The following UGT1A4 variants were observed in gnomAD, a reference collection of about 807,000 sequenced individuals.
UGT1A4 encodes UDP glucuronosyltransferase family 1 member A4, also known as UDP-glucuronosyltransferase 1A4.
UGT1A4 carries 32 observed loss-of-function variants against 41.1 expected under a neutral mutation model. The observed-to-expected ratio is 0.78, with a 90% CI of 0.59 to 1.05. UGT1A4 has a LOEUF of 1.05. UGT1A4 is among the 50% of genes least tolerant of loss of function. The probability of loss-of-function intolerance (pLI) is 0.00; values close to 1 mark genes in which losing one functional copy is unlikely to be tolerated. For synonymous variants in UGT1A4, 283 were observed against 265.1 expected (o/e 1.07, Z -0.66); for missense variants, 748 against 677.4 (o/e 1.10, Z -1.16).
intron 1 of UGT1A4, chr2:233,743,606 A>C (rs1409222712): frequency 7.3e-7 from 1 of 1,367,154 alleles, no homozygotes; most frequent in African/African-American, 1.5e-5. Context: ...CTGGCCGCCG[A>C]AGAACTCCCT....
At chr2:233,743,984 C>A in intron 1 of UGT1A4, 1 of 1,291,724 alleles carries the variant, frequency 7.7e-7, no homozygotes, top group South Asian at 1.3e-5. Context: ...CACCCAGGCG[C>A]AGGCCCGAGT....
rs143031439 is a variant in UGT1A4 at position 233,719,079 on chromosome 2, A to G, written c.259A>G (p.Lys87Glu). ...LTAYAVPWTQ[K>E]EFDRVTLGYT... ...AGCCTATGCTGTTCCATGGACCCAG[A>G]AGGAATTTGATCGCGTTACGCTGGG... Residue 87 changes from lysine (K) to glutamate (E), a missense_variant, in exon 1 of 5, where the codon AAG becomes GAG. Physicochemically the swap from Lys to Glu is moderately conservative, Grantham distance 56. Coordinates refer to ENST00000373409, the MANE Select transcript of UGT1A4 (RefSeq NM_007120.3). 42 of 1,614,102 alleles carry G rather than the reference A, an allele frequency of 2.6e-5. No homozygotes were observed. In the East Asian group the frequency reaches 3.3e-4, roughly 13 times the overall value.
intron 1 of UGT1A4, chr2:233,754,648 T>C (rs1008814109): frequency 4.4e-6 from 2 of 451,966 alleles, no homozygotes; most frequent in African/African-American, 2.0e-5. Context: ...CCATTCTCAA[T>C]GATTCTCTTG....
intron 1 of UGT1A4, among the ~76,000 whole-genome samples, chr2:233,741,187 CT>C (rs1691585629): frequency 6.6e-6 from 1 of 151,902 alleles, no homozygotes; most frequent in Non-Finnish European, 1.5e-5. Context: ...CTTGTGTTTG[CT>C]TTCAACTGTT....
rs45510694 is a variant in UGT1A4, at chr2:233,718,970, G to C, written c.150G>C (p.Glu50Asp). ...TCAGCATGCGGGAGGCCTTGCGGGA[G>C]CTCCATGCCAGAGGCCACCAGGCGG... ...PWLSMREALR[E>D]LHARGHQAVV... Residue 50 changes from glutamate (E) to aspartate (D), a missense_variant, in exon 1 of 5, where the codon GAG (glutamate) becomes GAC (aspartate). Physicochemically the swap from Glu to Asp is conservative, Grantham distance 45. Coordinates refer to ENST00000373409, the MANE Select transcript of UGT1A4 (RefSeq NM_007120.3). 4.6e-4 allele frequency: 737 copies of C among 1,614,150 alleles called. 2 individuals are homozygous for C. Among genetic ancestry groups the C allele is most frequent in the Middle Eastern group, 3.8e-3 (23 of 6,058 alleles).
At chr2:233,733,555 G>A (rs1474248933) in intron 1 of UGT1A4, among the ~76,000 whole-genome samples, 2 of 152,168 alleles carry the variant, frequency 1.3e-5, no homozygotes, top group East Asian at 1.9e-4. Context: ...TTCTGCATCT[G>A]TTGAAATAAT....
At chr2:233,766,321 C>T (rs1182863859) in intron 1 of UGT1A4, among the ~76,000 whole-genome samples, 1 of 152,172 alleles carries the variant, frequency 6.6e-6, no homozygotes. Flanking sequence ...CTCAGCCAAA[C>T]TCCGCGTTGT....
intron 1 of UGT1A4, among the ~76,000 whole-genome samples, chr2:233,733,802 G>A (rs2078438664): frequency 6.6e-6 from 1 of 152,152 alleles, no homozygotes; most frequent in African/African-American, 2.4e-5. Flanking sequence ...TTTGGTATCA[G>A]GATGATGCTG....
intron 1 of UGT1A4, among the ~76,000 whole-genome samples, chr2:233,724,596 C>G (rs202203863): frequency 0.33 from 37,419 of 112,546 alleles, 7,358 homozygotes; most frequent in African/African-American, 0.51. Context: ...ACATCTCAGA[C>G]GATGGGCGGC....
chr2:233,771,360 A>G (rs1369585648), intron 4 of UGT1A4: 1 of 151,838 alleles, frequency 6.6e-6, no homozygotes, highest in African/African-American at 2.4e-5. Flanking sequence ...GGGTTGAAGC[A>G]CCTAACCCGT....
intron 1 of UGT1A4, among the ~76,000 whole-genome samples, chr2:233,734,792 AG>A (rs1191669872): frequency 1.3e-5 from 2 of 152,190 alleles, no homozygotes; most frequent in African/African-American, 4.8e-5. Context: ...ATTCAGGAGC[AG>A]GTTGTTCAGT....
rs1018341076 is a variant in UGT1A4, at chr2:233,718,906, G to C, written c.86G>C (p.Gly29Ala). ...AGTGTCCAGCCCTGGGCTGAGAGTG[G>C]AAAGGTGTTGGTGGTGCCCACTGAT... The part of the protein sequence containing the change: ...LLSVQPWAES[G>A]KVLVVPTDGS... The change falls in exon 1 of 5, where the codon GGA becomes GCA. Residue 29 changes from glycine (G) to alanine (A), a missense_variant. Gly to Ala is a moderately conservative substitution (Grantham distance 60). Coordinates refer to ENST00000373409, the MANE Select transcript of UGT1A4 (RefSeq NM_007120.3). 2.5e-6 allele frequency: 4 copies of C among 1,613,954 alleles called. No individual in the cohort carries two copies. Among genetic ancestry groups the C allele is most frequent in the Admixed American group, 1.7e-5 (1 of 60,010 alleles).
At chr2:233,752,913 G>A (rs1372814851) in intron 1 of UGT1A4, among the ~76,000 whole-genome samples, 1 of 152,202 alleles carries the variant, frequency 6.6e-6, no homozygotes, top group East Asian at 1.9e-4. Context: ...CCACCTCTGA[G>A]TGACACTGGT....
chr2:233,755,070 C>G, intron 1 of UGT1A4: 1 of 1,336,550 alleles, frequency 7.5e-7, no homozygotes, highest in African/African-American at 1.5e-5. Flanking sequence ...CTCGCCATAG[C>G]GGTCATAGAT....
rs981811501 is a variant in UGT1A4 at position 233,745,071 on chromosome 2, G to T, written c.868-21963G>T. Reference sequence around the variant, plus strand: ...GTTTTTTATTTGTATTATTTGTATTGTTTTTTCATTGCTCTTCCCCCCAAA... The same window carrying T: ...GTTTTTTATTTGTATTATTTGTATTTTTTTTTCATTGCTCTTCCCCCCAAA... On this transcript the variant is annotated intron_variant, in intron 1 of 4. Transcript: ENST00000373409. Among the ~76,000 whole-genome samples the T allele has an allele frequency of 7.2e-5, 11 of 151,894 alleles. No individual in the cohort carries two copies. In the East Asian group the frequency reaches 9.6e-4, roughly 13 times the overall value.
chr2:233,757,752 A>C (rs979747575), intron 1 of UGT1A4, among the ~76,000 whole-genome samples: 1 of 151,642 alleles, frequency 6.6e-6, no homozygotes, highest in Non-Finnish European at 1.5e-5. Flanking sequence ...GGACATGTTT[A>C]TGTTGCTCCT....
Position 233,768,531 on chromosome 2 carries a change from G to A in UGT1A4, c.1307+92G>A, listed in dbSNP as rs868518109. ...AAACATTTACGTAGCATTTAATAGC[G>A]TTGTTTCAAATATAAAAACAAATAC... On this transcript the variant is annotated intron_variant, in intron 4 of 4. Transcript: ENST00000373409. 3.8e-5 allele frequency: 56 copies of A among 1,481,648 alleles called. No individual in the cohort carries two copies. In the East Asian group the frequency reaches 3.8e-4, roughly 10 times the overall value. 91.8% of individuals were successfully genotyped at this position (1,481,648 alleles called of 1,614,324 possible).
intron 1 of UGT1A4, chr2:233,761,042 C>G: frequency 6.2e-7 from 1 of 1,614,180 alleles, no homozygotes; most frequent in Non-Finnish European, 8.5e-7. Flanking sequence ...AGCTCTGCAT[C>G]TGTCTGGCTG....
At chr2:233,757,267 A>G (rs1696460945) in intron 1 of UGT1A4, among the ~76,000 whole-genome samples, 1 of 121,202 alleles carries the variant, frequency 8.3e-6, no homozygotes, top group Admixed American at 1.0e-4. Flanking sequence ...GTGGCAGCCG[A>G]TGCAATGATT....
Sources: gnomAD v4.1 joint callset for allele counts (sites outside exome capture counted in the v4.1 genomes callset) on GRCh38, gnomAD v4.1.1 for gene constraint, MANE v1.5 for transcripts, NCBI Gene and HGNC (gene_info 2026-07-23, HGNC 2026-07-21) for gene names.